Variants in GRAMD4 observed in about 807,000 individuals in gnomAD.
The protein encoded by GRAMD4 is GRAM domain containing 4.
GRAMD4 carries 25 observed loss-of-function variants against 83.9 expected under a neutral mutation model. That is an observed-to-expected ratio of 0.30 (90% CI 0.22 to 0.42). GRAMD4 has a LOEUF of 0.42. Ranked by LOEUF, GRAMD4 falls within the 10% of genes least tolerant of loss-of-function variation. The pLI, the probability that GRAMD4 is intolerant of heterozygous loss-of-function variation, is 1.00. For missense variants in GRAMD4, 593 were observed against 788.7 expected, an observed-to-expected ratio of 0.75 and a Z score of 2.97; for synonymous variants, 336 against 320.9, an observed-to-expected ratio of 1.05 and a Z score of -0.50.
chr22:46,651,497 C>A (rs1037930310), intron 3 of GRAMD4, among the ~76,000 whole-genome samples: 1 of 152,220 alleles, frequency 6.6e-6, no homozygotes, highest in South Asian at 2.1e-4. Context: ...GTGACTTGGC[C>A]CCCGGCAGGT....
At chr22:46,661,002 C>T (rs2082318462) in intron 4 of GRAMD4, among the ~76,000 whole-genome samples, 1 of 152,040 alleles carries the variant, frequency 6.6e-6, no homozygotes, top group African/African-American at 2.4e-5. Flanking sequence ...GGCACCCAGC[C>T]TGTGGCCTGG....
chr22:46,654,929 C>A (rs1181834031), intron 3 of GRAMD4, among the ~76,000 whole-genome samples: 4 of 152,174 alleles, frequency 2.6e-5, no homozygotes, highest in African/African-American at 9.7e-5. Flanking sequence ...TTCTGGGAAT[C>A]CCCACCCAGC....
chr22:46,681,754 A>G (rs1218131105), downstream of GRAMD4, among the ~76,000 whole-genome samples: 6 of 152,218 alleles, frequency 3.9e-5, no homozygotes, highest in Admixed American at 3.9e-4. Flanking sequence ...TACTTGCTAT[A>G]TGTTTTTAAA....
At position 46,677,879 on chromosome 22, in the gene GRAMD4, A is replaced by G. The variant is rs7286826; in HGVS notation, c.*628A>G. 0.099 allele frequency: 97,347 copies of G among 985,044 alleles called. 6,038 individuals carry two copies. Among genetic ancestry groups the G allele is most frequent in the African/African-American group, 0.29 (16,811 of 57,278 alleles). The allele number at this position is 985,044 out of a possible 1,614,324, so 61.0% of individuals were successfully genotyped here. On this transcript the variant is annotated 3_prime_UTR_variant, in exon 19 of 19. Coordinates refer to ENST00000406902, the MANE Select transcript of GRAMD4 (RefSeq NM_015124.5). ...CTCCACACTCGCTCCACGGGAACAG[A>G]GAGGGTGAGAAGGGCCCACCCCTCG...
Position 46,626,965 on chromosome 22 carries a change from A to AGT in GRAMD4, c.162+5_162+6dup, listed in dbSNP as rs1569270469. The AGT allele has an allele frequency of 7.5e-6, 12 of 1,607,216 alleles. No homozygotes were observed. Among genetic ancestry groups the AGT allele is most frequent in the Non-Finnish European group, 9.4e-6 (11 of 1,173,962 alleles). ...CAGCGAGGAGCTGAGGGACCCTGTG[A>AGT]GTACCTGTCCTCGTCCCCCGGTGTG... On this transcript the variant is annotated splice_donor_region_variant and intron_variant, in intron 2 of 18. Transcript: ENST00000406902.
intron 1 of GRAMD4, among the ~76,000 whole-genome samples, chr22:46,624,700 A>G (rs984518496): frequency 5.3e-5 from 8 of 152,170 alleles, no homozygotes; most frequent in African/African-American, 1.9e-4. Flanking sequence ...TGTAGCTCCT[A>G]TATGGGAAGC....
intron 3 of GRAMD4, among the ~76,000 whole-genome samples, chr22:46,643,141 T>C (rs149269129): frequency 6.6e-4 from 3 of 4,542 alleles, no homozygotes; most frequent in Non-Finnish European, 4.4e-4. Flanking sequence ...CCATGCATCC[T>C]TCCATCCATC....
At chr22:46,648,254 G>A (rs2082099739) in intron 3 of GRAMD4, among the ~76,000 whole-genome samples, 1 of 150,666 alleles carries the variant, frequency 6.6e-6, no homozygotes, top group Admixed American at 6.6e-5. Flanking sequence ...AAACGAATAG[G>A]TAGATTAGGT....
chr22:46,612,840 A>G (rs901586883), intron 1 of GRAMD4, among the ~76,000 whole-genome samples: 2 of 152,182 alleles, frequency 1.3e-5, no homozygotes, highest in Admixed American at 1.3e-4. Flanking sequence ...GCCTTCCCTG[A>G]CGCGGTCTCC....
In GRAMD4 at chr22:46,664,275, A is replaced by C. The variant is rs571744528; in HGVS notation, c.717+158A>C. ...ATTTCTCCTTCTGTAAAGTGGGCTC[A>C]CTGATGCCAGTGCCCAGCCATGGGG... On this transcript the variant is annotated intron_variant, in intron 8 of 18. Transcript: ENST00000406902. Among the ~76,000 whole-genome samples, 5 of 152,324 alleles carry C rather than the reference A, an allele frequency of 3.3e-5. No homozygotes were observed. The East Asian group carries it at 7.7e-4, about 23-fold the overall frequency.
intron 1 of GRAMD4, among the ~76,000 whole-genome samples, chr22:46,610,240 G>A (rs2081404111): frequency 6.6e-6 from 1 of 152,214 alleles, no homozygotes; most frequent in Admixed American, 6.5e-5. Flanking sequence ...GAGCACGTGC[G>A]TGCCTGGTGA....
intron 1 of GRAMD4, among the ~76,000 whole-genome samples, chr22:46,605,830 G>A (rs5016339): frequency 0.23 from 32,388 of 140,572 alleles, 2,522 homozygotes; most frequent in East Asian, 0.52. Flanking sequence ...GTTTATGGCC[G>A]GTGCTGAGCA....
At chr22:46,597,521 G>A (rs550128610) in intron 1 of GRAMD4, among the ~76,000 whole-genome samples, 2 of 152,106 alleles carry the variant, frequency 1.3e-5, no homozygotes, top group South Asian at 2.1e-4. Context: ...ACGGAGTCTC[G>A]CTCTGTCGCC....
intron 1 of GRAMD4, among the ~76,000 whole-genome samples, chr22:46,603,757 C>A (rs1305561503): frequency 1.3e-5 from 2 of 151,820 alleles, no homozygotes; most frequent in East Asian, 3.9e-4. Context: ...ACCTCCTGAT[C>A]CGCCCGCCTC....
intron 18 of GRAMD4, among the ~76,000 whole-genome samples, chr22:46,676,915 G>T (rs2147432742): frequency 6.6e-6 from 1 of 152,378 alleles, no homozygotes; most frequent in Non-Finnish European, 1.5e-5. Flanking sequence ...CTGACTCAGT[G>T]ACTTGGGAGG....
intron 1 of GRAMD4, among the ~76,000 whole-genome samples, chr22:46,581,623 G>T (rs1402079103): frequency 1.3e-5 from 2 of 152,236 alleles, no homozygotes; most frequent in African/African-American, 4.8e-5. Context: ...AGCATGTCCT[G>T]CTCAGGGCCA....
At chr22:46,627,054 C>T (rs1391626316) in intron 2 of GRAMD4, 93 bp downstream of exon 2, 5 of 847,020 alleles carry the variant, frequency 5.9e-6, no homozygotes, top group Non-Finnish European at 7.8e-6. Context: ...GATTCGTGTC[C>T]TGCCCATGCT....
In GRAMD4 at chr22:46,644,897, C is replaced by CTTTTTTTTTTT. The variant is rs35677843; in HGVS notation, c.283+6960_283+6970dup. Among the ~76,000 whole-genome samples, 13 of 41,014 alleles carry CTTTTTTTTTTT rather than the reference C, an allele frequency of 3.2e-4. 2 individuals are homozygous for CTTTTTTTTTTT. Among genetic ancestry groups the CTTTTTTTTTTT allele is most frequent in the Admixed American group, 4.0e-4 (1 of 2,524 alleles). The allele number at this position is 41,014 out of a possible 152,430, so 26.9% of individuals were successfully genotyped here. On this transcript the variant is annotated intron_variant, in intron 3 of 18. Coordinates refer to ENST00000406902, the MANE Select transcript of GRAMD4 (RefSeq NM_015124.5). ...ATAGGCACATTGCACTGCACATGGC[C>CTTTTTTTTTTT]TTTTTTTTTTTTTTTTTTTTTTTTT...
chr22:46,644,697 GTTTTTTTTTTTT>G (rs71192437), intron 3 of GRAMD4, among the ~76,000 whole-genome samples: 193 of 97,354 alleles, frequency 2.0e-3, no homozygotes, highest in African/African-American at 7.1e-3. Context: ...CTTGTTCCCT[GTTTTTTTTTTTT>G]TTTTTTTTTT....
Sources: gnomAD v4.1 joint callset for allele counts (sites outside exome capture counted in the v4.1 genomes callset) on GRCh38, gnomAD v4.1.1 for gene constraint, MANE v1.5 for transcripts, NCBI Gene and HGNC (gene_info 2026-07-23, HGNC 2026-07-21) for gene names.